Variants in GALNTL6 observed in about 807,000 individuals in gnomAD.
GALNTL6 encodes polypeptide N-acetylgalactosaminyltransferase like 6.
A neutral mutation model predicts 73.7 loss-of-function variants in GALNTL6; 46 were observed. The observed-to-expected ratio is 0.62, with a 90% CI of 0.49 to 0.80. The LOEUF (loss-of-function observed/expected upper bound fraction) is 0.80. Among genes scored for constraint, GALNTL6 ranks in the 30% least tolerant of loss-of-function variants. The probability of loss-of-function intolerance (pLI) is 0.00; values close to 1 mark genes in which losing one functional copy is unlikely to be tolerated. For synonymous variants in GALNTL6, 259 were observed against 263.7 expected (o/e 0.98, Z 0.17); for missense variants, 604 against 755.0 (o/e 0.80, Z 2.34).
chr4:172,889,003 G>T (rs945541677), intron 8 of GALNTL6, among the ~76,000 whole-genome samples: 6 of 151,598 alleles, frequency 4.0e-5, no homozygotes, highest in Admixed American at 3.3e-4. Flanking sequence ...TCCTACATTT[G>T]CTTTTGTGTG....
In GALNTL6 at chr4:172,854,451, T is replaced by C. The variant is rs1439648342; in HGVS notation, c.924-28339T>C. The stretch of plus-strand genomic sequence containing the variant: ...AAATGGATGGTAAATTTCAGCCAGC[T>C]GTGTGAGTTAGAGGGGAAGATGTAT... On this transcript the variant is annotated intron_variant, in intron 7 of 12. Transcript: ENST00000506823. 3.9e-5 allele frequency among the ~76,000 whole-genome samples: 6 copies of C among 152,234 alleles called. No homozygotes were observed. In the East Asian group the frequency reaches 1.2e-3, roughly 29 times the overall value.
At chr4:172,764,601 C>T (rs1478873897) in intron 5 of GALNTL6, among the ~76,000 whole-genome samples, 1 of 151,860 alleles carries the variant, frequency 6.6e-6, no homozygotes, top group African/African-American at 2.4e-5. Context: ...ATCTTTTTGA[C>T]GAATTACCAG....
At chr4:171,824,077 TTATATATATA>T (rs3080307) in intron 2 of GALNTL6, among the ~76,000 whole-genome samples, 33,437 of 129,108 alleles carry the variant, frequency 0.26, 4,293 homozygotes, top group Middle Eastern at 0.4. Context: ...CAAATCCATT[TTATATATATA>T]TATATATATA....
At chr4:172,331,770 A>T (rs959483137) in intron 4 of GALNTL6, among the ~76,000 whole-genome samples, 8 of 152,146 alleles carry the variant, frequency 5.3e-5, no homozygotes, top group African/African-American at 1.7e-4. Flanking sequence ...TTCTTTATCC[A>T]TTCATCCCTC....
chr4:172,277,462 G>T (rs1738874165), intron 3 of GALNTL6, among the ~76,000 whole-genome samples: 1 of 151,866 alleles, frequency 6.6e-6, no homozygotes, highest in South Asian at 2.1e-4. Flanking sequence ...GAATATTAGA[G>T]AAAAAATAAT....
At position 172,628,830 on chromosome 4, in the gene GALNTL6, A is replaced by G. The variant is rs150434896; in HGVS notation, c.554-180531A>G. 4.3e-3 allele frequency among the ~76,000 whole-genome samples: 651 copies of G among 152,256 alleles called. 5 individuals are homozygous for G. Among genetic ancestry groups the G allele is most frequent in the African/African-American group, 0.015 (627 of 41,542 alleles). The stretch of plus-strand genomic sequence containing the variant: ...AAAGTAAACTTTTTTATATTTTCCT[A>G]AGAAGAAAATGTAACCTTTCTTGGT... On this transcript the variant is annotated intron_variant, in intron 5 of 12. Coordinates refer to ENST00000506823, the MANE Select transcript of GALNTL6 (RefSeq NM_001034845.3).
chr4:173,011,037 G>A (rs939240497), intron 11 of GALNTL6, among the ~76,000 whole-genome samples: 1 of 152,058 alleles, frequency 6.6e-6, no homozygotes, highest in African/African-American at 2.4e-5. Context: ...CTATCTTTTG[G>A]ATAAAAGCCA....
At chr4:171,873,958 G>C (rs1018441349) in intron 2 of GALNTL6, among the ~76,000 whole-genome samples, 2 of 152,152 alleles carry the variant, frequency 1.3e-5, no homozygotes, top group Admixed American at 1.3e-4. Flanking sequence ...CATATGATCA[G>C]GAAGTCAGGT....
intron 2 of GALNTL6, among the ~76,000 whole-genome samples, chr4:172,076,514 G>A (rs114870195): frequency 0.021 from 3,190 of 152,212 alleles, 102 homozygotes; most frequent in African/African-American, 0.07. Flanking sequence ...TAAGATTCAA[G>A]TTAGTTATCA....
At chr4:172,520,861 T>C (rs567422035) in intron 5 of GALNTL6, among the ~76,000 whole-genome samples, 2 of 152,070 alleles carry the variant, frequency 1.3e-5, no homozygotes, top group South Asian at 4.1e-4. Flanking sequence ...GTAGATGTTC[T>C]ATTTATCTAT....
intron 5 of GALNTL6, among the ~76,000 whole-genome samples, chr4:172,754,584 A>T (rs192572808): frequency 6.3e-4 from 95 of 151,798 alleles, no homozygotes; most frequent in Middle Eastern, 3.4e-3. Flanking sequence ...AAAATAAATT[A>T]AAAAAAACAG....
chr4:172,289,735 A>T (rs1739397320), intron 3 of GALNTL6, among the ~76,000 whole-genome samples: 1 of 152,190 alleles, frequency 6.6e-6, no homozygotes, highest in Non-Finnish European at 1.5e-5. Flanking sequence ...AACCAAAATA[A>T]AACTGAGACC....
intron 2 of GALNTL6, among the ~76,000 whole-genome samples, chr4:172,156,961 G>A (rs1734307856): frequency 1.3e-5 from 2 of 152,068 alleles, no homozygotes; most frequent in South Asian, 4.2e-4. Context: ...GAGAGAGTAT[G>A]TCCATTCCCA....
intron 5 of GALNTL6, among the ~76,000 whole-genome samples, chr4:172,431,686 T>C (rs1731456933): frequency 6.6e-6 from 1 of 152,110 alleles, no homozygotes; most frequent in South Asian, 2.1e-4. Flanking sequence ...GTGGAAGATT[T>C]CATAACATAA....
intron 2 of GALNTL6, among the ~76,000 whole-genome samples, chr4:172,126,202 T>C (rs1223413979): frequency 6.6e-6 from 1 of 152,194 alleles, no homozygotes; most frequent in Non-Finnish European, 1.5e-5. Context: ...CTATAAAACT[T>C]AAGAAGTCAA....
At chr4:171,815,411 T>C (rs1244628072) in intron 2 of GALNTL6, 1 of 152,314 alleles carries the variant, frequency 6.6e-6, no homozygotes, top group Non-Finnish European at 1.5e-5. Flanking sequence ...TTCTACTTAA[T>C]ATGTAACTCA....
intron 2 of GALNTL6, among the ~76,000 whole-genome samples, chr4:171,823,874 C>T (rs1308962058): frequency 6.6e-6 from 1 of 150,568 alleles, no homozygotes; most frequent in Non-Finnish European, 1.5e-5. Flanking sequence ...GGTGGTGGTA[C>T]TTATTGCAAC....
intron 5 of GALNTL6, among the ~76,000 whole-genome samples, chr4:172,545,350 G>A (rs1358629803): frequency 6.6e-6 from 1 of 152,128 alleles, no homozygotes. Flanking sequence ...CCGTGGGTAA[G>A]AGAACGTGAG....
At chr4:172,092,879 T>C (rs1732244598) in intron 2 of GALNTL6, among the ~76,000 whole-genome samples, 1 of 148,294 alleles carries the variant, frequency 6.7e-6, no homozygotes, top group African/African-American at 2.5e-5. Flanking sequence ...TCTTTTCTTT[T>C]TTTTTTTTTT....
Sources: allele counts gnomAD v4.1 joint callset (sites outside exome capture counted in the v4.1 genomes callset), GRCh38; gene constraint gnomAD v4.1.1; transcripts MANE v1.5; gene names NCBI Gene and HGNC (gene_info 2026-07-23, HGNC 2026-07-21).